SDK1: variants seen among roughly 807,000 people sequenced by gnomAD.
SDK1 encodes the protein sidekick cell adhesion molecule 1.
A neutral mutation model predicts 245.5 loss-of-function variants in SDK1; 157 were observed. The ratio of observed to expected loss-of-function variants is 0.64; its 90% CI spans 0.56 to 0.73. The LOEUF is 0.73. Ranked by LOEUF, SDK1 falls within the 30% of genes least tolerant of loss-of-function variation. The pLI is 0.00. For missense variants in SDK1, 3,583 were observed against 3,002.3 expected (o/e 1.19, Z -4.52); for synonymous variants, 1,647 against 1,278.5 (o/e 1.29, Z -6.15).
At chr7:3,621,742 T>TG (rs981965340) in intron 2 of SDK1, among the ~76,000 whole-genome samples, 12 of 152,168 alleles carry the variant, frequency 7.9e-5, no homozygotes, top group African/African-American at 2.4e-4. Flanking sequence ...GAACTCTCTC[T>TG]GGGGGGTGCA....
chr7:4,223,077 C>T (rs369534536), intron 40 of SDK1, among the ~76,000 whole-genome samples: 1,522 of 147,986 alleles, frequency 0.01, 26 homozygotes, highest in African/African-American at 0.037. Context: ...AGCAAGGCTC[C>T]GTCTCAAAAA....
At chr7:4,089,070 G>A (rs1378289479) in intron 22 of SDK1, among the ~76,000 whole-genome samples, 1 of 140,602 alleles carries the variant, frequency 7.1e-6, no homozygotes, top group Non-Finnish European at 1.5e-5. Context: ...AGGTGGAGGT[G>A]AGACCCTCCC....
intron 1 of SDK1, among the ~76,000 whole-genome samples, chr7:3,614,147 G>T (rs1300550859): frequency 6.6e-6 from 1 of 152,156 alleles, no homozygotes; most frequent in Non-Finnish European, 1.5e-5. Context: ...TTATGATGTT[G>T]TCTTGAGACA....
chr7:3,653,150 G>T (rs1398445647), intron 4 of SDK1, among the ~76,000 whole-genome samples: 1 of 152,184 alleles, frequency 6.6e-6, no homozygotes, highest in Non-Finnish European at 1.5e-5. Flanking sequence ...GCGAATGCTT[G>T]AGTGCAGGTG....
intron 2 of SDK1, among the ~76,000 whole-genome samples, chr7:3,630,659 T>C (rs913583175): frequency 6.6e-6 from 1 of 151,934 alleles, no homozygotes; most frequent in African/African-American, 2.4e-5. Context: ...TTTAAGATAG[T>C]ACAAAAAAAT....
chr7:3,347,421 C>A (rs1296920508), intron 1 of SDK1, among the ~76,000 whole-genome samples: 1 of 151,990 alleles, frequency 6.6e-6, no homozygotes, highest in East Asian at 1.9e-4. Flanking sequence ...TATGCCTTTC[C>A]CAGAAGTACC....
intron 4 of SDK1, among the ~76,000 whole-genome samples, chr7:3,812,441 C>G (rs1254036391): frequency 6.6e-6 from 1 of 152,126 alleles, no homozygotes; most frequent in Non-Finnish European, 1.5e-5. Context: ...CTGCAACTTA[C>G]CACCGCTTGG....
At chr7:3,307,691 C>T (rs957951816) in intron 1 of SDK1, among the ~76,000 whole-genome samples, 10 of 151,994 alleles carry the variant, frequency 6.6e-5, no homozygotes, top group East Asian at 3.9e-4. Context: ...TAAAGCTTTC[C>T]TAGAAACATG....
chr7:3,506,580 T>C (rs1782399023), intron 1 of SDK1, among the ~76,000 whole-genome samples: 2 of 152,218 alleles, frequency 1.3e-5, no homozygotes, highest in Admixed American at 6.5e-5. Flanking sequence ...GCATATTATA[T>C]TATCATATTA....
At chr7:3,451,526 A>G (rs920927569) in intron 1 of SDK1, among the ~76,000 whole-genome samples, 62 of 151,536 alleles carry the variant, frequency 4.1e-4, no homozygotes, top group African/African-American at 1.4e-3. Flanking sequence ...CAATGTGATC[A>G]AAATGACGTC....
At chr7:3,987,567 G>A (rs895488853) in intron 14 of SDK1, among the ~76,000 whole-genome samples, 11 of 152,152 alleles carry the variant, frequency 7.2e-5, no homozygotes, top group Non-Finnish European at 1.3e-4. Flanking sequence ...GGGCCCCATG[G>A]GAGGGCTGTG....
intron 40 of SDK1, among the ~76,000 whole-genome samples, chr7:4,224,645 C>G (rs78789610): frequency 0.047 from 7,210 of 152,132 alleles, 230 homozygotes; most frequent in Middle Eastern, 0.12. Context: ...TATATATCTA[C>G]AACCATTCTG....
intron 4 of SDK1, among the ~76,000 whole-genome samples, chr7:3,657,346 T>G (rs937537915): frequency 1.3e-5 from 2 of 151,874 alleles, no homozygotes; most frequent in African/African-American, 2.4e-5. Context: ...GTCTACAGGG[T>G]GGGTTCCCTC....
At chr7:4,141,356 G>A (rs765288693) in intron 28 of SDK1, among the ~76,000 whole-genome samples, 2 of 152,230 alleles carry the variant, frequency 1.3e-5, no homozygotes, top group Non-Finnish European at 2.9e-5. Flanking sequence ...TCCACAAGGA[G>A]TGCCTTTGAA....
chr7:3,756,423 C>T (rs1288812015), intron 4 of SDK1, among the ~76,000 whole-genome samples: 2 of 151,958 alleles, frequency 1.3e-5, no homozygotes, highest in African/African-American at 2.4e-5. Context: ...TTGAACCTGA[C>T]TCCTTTCACA....
chr7:3,939,658 CT>C (rs1780284834), intron 5 of SDK1, among the ~76,000 whole-genome samples: 1 of 152,054 alleles, frequency 6.6e-6, no homozygotes. Flanking sequence ...TATCTGGGTT[CT>C]TGGAGATATA....
intron 2 of SDK1, among the ~76,000 whole-genome samples, chr7:3,625,639 C>G (rs1187184857): frequency 6.6e-6 from 1 of 152,132 alleles, no homozygotes; most frequent in Non-Finnish European, 1.5e-5. Flanking sequence ...TCAGAAGTGC[C>G]CACTCTAATG....
At chr7:4,169,225 G>A (rs1187272694) in intron 32 of SDK1, among the ~76,000 whole-genome samples, 3 of 152,228 alleles carry the variant, frequency 2.0e-5, no homozygotes, top group Non-Finnish European at 4.4e-5. Context: ...GCCCATCCAT[G>A]GCTCCGGTGG....
chr7:3,960,655 C>G (rs1488797833), intron 8 of SDK1, among the ~76,000 whole-genome samples: 1 of 152,210 alleles, frequency 6.6e-6, no homozygotes, highest in Non-Finnish European at 1.5e-5. Context: ...AGTTCTGGTC[C>G]TCAGCTCCTG....
Sources: gnomAD v4.1 joint callset for allele counts (sites outside exome capture counted in the v4.1 genomes callset) on GRCh38, gnomAD v4.1.1 for gene constraint, MANE v1.5 for transcripts, NCBI Gene and HGNC (gene_info 2026-07-23, HGNC 2026-07-21) for gene names.